EML5: variants seen among roughly 807,000 people sequenced by gnomAD.
EML5 encodes echinoderm microtubule-associated protein-like 5.
A neutral mutation model predicts 250.0 loss-of-function variants in EML5; 120 were observed. The observed-to-expected ratio is 0.48, with a 90% CI of 0.41 to 0.56. EML5 has a LOEUF of 0.56. Ranked by LOEUF, EML5 falls within the 20% of genes least tolerant of loss-of-function variation. EML5 has a pLI of 0.00. For missense variants in EML5, 2,006 were observed against 2,437.6 expected (o/e 0.82, Z 3.73); for synonymous variants, 771 against 806.5 (o/e 0.96, Z 0.75).
intron 34 of EML5, 113 bp from the exon 35 acceptor site, chr14:88,627,159 C>A: frequency 2.0e-6 from 2 of 998,556 alleles, no homozygotes; most frequent in Non-Finnish European, 3.0e-6. Context: ...GAAGAGAGGC[C>A]AATGGCCCCT....
In EML5 at chr14:88,679,256, C is replaced by T. The variant is rs1421857152; in HGVS notation, c.3124+2634G>A. Among the ~76,000 whole-genome samples the T allele has an allele frequency of 2.6e-5, 4 of 151,248 alleles. No individual in the cohort carries two copies. In the South Asian group the frequency reaches 8.4e-4, roughly 32 times the overall value. On this transcript the variant is annotated intron_variant, in intron 21 of 43. Transcript: ENST00000554922. ...AAGTACTGGGGGGTTAGAACTTCAACATATCTTTTCAGGGGGACACAACTC... is the reference window on the plus strand; with the variant it reads ...AAGTACTGGGGGGTTAGAACTTCAATATATCTTTTCAGGGGGACACAACTC...
intron 17 of EML5, among the ~76,000 whole-genome samples, chr14:88,691,155 T>C (rs897000788): frequency 6.6e-6 from 1 of 152,076 alleles, no homozygotes; most frequent in Non-Finnish European, 1.5e-5. Context: ...GCTGCCCAAA[T>C]TCAGAAGGTT....
chr14:88,627,372 T>C lies in EML5; in HGVS notation c.4531+274A>G, dbSNP rs114210828. ...TCTCCAAAACCAATCAAATCATTAATAATAAATACATAGTTTCTTGCTGGA... is the reference window on the plus strand; with the variant it reads ...TCTCCAAAACCAATCAAATCATTAACAATAAATACATAGTTTCTTGCTGGA... On this transcript the variant is annotated intron_variant, in intron 34 of 43. Transcript: ENST00000554922. 3.1e-3 allele frequency: 1,482 copies of C among 471,588 alleles called. 18 individuals carry two copies. The highest frequency in any genetic ancestry group is 0.026 in the African/African-American group (1,345 of 51,414). 29.2% of individuals were successfully genotyped at this position (471,588 alleles called of 1,614,324 possible). A position where few individuals can be genotyped will look rare whatever the true frequency, so the allele number is the denominator to read the frequency against.
rs373512419 is a variant in EML5, at chr14:88,704,944, T to C, written c.1967A>G (p.Gln656Arg). The C allele has an allele frequency of 1.3e-4, 210 of 1,612,882 alleles. No homozygotes were observed. Among genetic ancestry groups the C allele is most frequent in the South Asian group, 2.0e-4 (18 of 90,980 alleles). ...AGCACTTTTTTGTTTCTCTTTGCAC[T>C]GTTCTTTAAGCTGAGGTAGATCTTC... is the stretch of plus-strand genomic sequence containing the variant. ...YKEDLPQLKEQCKEKQKSATS... is the reference protein window; with the variant it reads ...YKEDLPQLKERCKEKQKSATS... The change falls in exon 13 of 44, where the codon CAG (glutamine) becomes CGG (arginine). Residue 656 changes from glutamine to arginine, a missense_variant. Around this residue, in one of 7 missense-constraint regions of EML5, gnomAD observed 1,375 missense variants for 1,590.3 expected, o/e 0.86. Transcript: ENST00000554922.
chr14:88,658,505 T>TA (rs570889876), intron 25 of EML5, 117 bp from the exon 26 acceptor site: 303 of 789,444 alleles, frequency 3.8e-4, no homozygotes, highest in African/African-American at 2.1e-3. Flanking sequence ...TGCAATGTGT[T>TA]AAAAAAAATG....
rs58676323 is a variant in EML5 at position 88,759,685 on chromosome 14, T to TAA, written c.198-5016_198-5015dup. Reference sequence around the variant, plus strand: ...AGTGACAGGGCAAGTCACCATCTCTTAAAAAAAAAAAAAAAAAAACTGGGG... The same window carrying TAA: ...AGTGACAGGGCAAGTCACCATCTCTTAAAAAAAAAAAAAAAAAAAAACTGGGG... On this transcript the variant is annotated intron_variant, in intron 1 of 43. Transcript: ENST00000554922. Among the ~76,000 whole-genome samples the TAA allele has an allele frequency of 4.7e-4, 44 of 92,894 alleles. 1 individual carries two copies. The highest frequency in any genetic ancestry group is 1.0e-3 in the African/African-American group (18 of 18,076). The allele number at this position is 92,894 out of a possible 152,430, so 60.9% of individuals were successfully genotyped here.
At chr14:88,625,280 A>G in intron 35 of EML5, 153 bp from the exon 36 acceptor site, 6 of 827,046 alleles carry the variant, frequency 7.3e-6, no homozygotes, top group Non-Finnish European at 1.1e-5. Context: ...ACGAGTCAGG[A>G]AACCTGAACG....
chr14:88,763,619 C>T (rs543694114), intron 1 of EML5, among the ~76,000 whole-genome samples: 109 of 152,186 alleles, frequency 7.2e-4, no homozygotes, highest in African/African-American at 2.5e-3. Flanking sequence ...CACTTCCAAA[C>T]AATAGAAAAA....
intron 10 of EML5, among the ~76,000 whole-genome samples, chr14:88,708,039 G>C (rs2093347349): frequency 2.0e-5 from 3 of 152,184 alleles, no homozygotes; most frequent in African/African-American, 7.2e-5. Flanking sequence ...GAGTGATAGA[G>C]AGAGGTACAA....
intron 10 of EML5, among the ~76,000 whole-genome samples, chr14:88,710,507 T>C (rs2093387397): frequency 6.6e-6 from 1 of 152,186 alleles, no homozygotes. Flanking sequence ...AGAAAGAGTA[T>C]ATTTCTAGTA....
In EML5 at chr14:88,653,472, C is replaced by T. The variant is rs188874520; in HGVS notation, c.4005-3546G>A. ...CTTATTACTTTGAGATATGTTCCAT[C>T]AAAACCTAGTTTATTGAGAGTTTTT... On this transcript the variant is annotated intron_variant, in intron 27 of 43. Coordinates refer to ENST00000554922, the MANE Select transcript of EML5 (RefSeq NM_183387.3). 1.6e-3 allele frequency among the ~76,000 whole-genome samples: 248 copies of T among 152,232 alleles called. 2 individuals are homozygous for T. Among genetic ancestry groups the T allele is most frequent in the African/African-American group, 4.9e-3 (202 of 41,548 alleles).
At chr14:88,671,601 G>A in intron 21 of EML5, among the ~76,000 whole-genome samples, 1 of 152,058 alleles carries the variant, frequency 6.6e-6, no homozygotes, top group South Asian at 2.1e-4. Flanking sequence ...AAAAGACAGA[G>A]AATGGCATGC....
At chr14:88,789,307 C>T (rs1325817677) in intron 1 of EML5, among the ~76,000 whole-genome samples, 2 of 151,754 alleles carry the variant, frequency 1.3e-5, no homozygotes, top group African/African-American at 4.8e-5. Context: ...AAAAAGTGAC[C>T]CCAAAAGCCC....
intron 10 of EML5, 134 bp downstream of exon 10, chr14:88,712,137 G>A: frequency 1.6e-6 from 1 of 641,636 alleles, no homozygotes; most frequent in Non-Finnish European, 2.7e-6. Flanking sequence ...TTTTGAATTA[G>A]AAAAATGAAA....
At chr14:88,748,442 A>C (rs1440718576) in intron 2 of EML5, among the ~76,000 whole-genome samples, 1 of 152,168 alleles carries the variant, frequency 6.6e-6, no homozygotes, top group Admixed American at 6.5e-5. Flanking sequence ...TATACCAGTA[A>C]TTCTAGAGCA....
chr14:88,737,397 G>A (rs1366343747), intron 6 of EML5, among the ~76,000 whole-genome samples: 1 of 152,216 alleles, frequency 6.6e-6, no homozygotes, highest in African/African-American at 2.4e-5. Context: ...GCCACAGGCT[G>A]AGCATGGATC....
At chr14:88,732,097 T>C (rs1169212954) in intron 7 of EML5, among the ~76,000 whole-genome samples, 1 of 152,226 alleles carries the variant, frequency 6.6e-6, no homozygotes, top group African/African-American at 2.4e-5. Flanking sequence ...ATTTTGGCTT[T>C]TGTTGCCATT....
At chr14:88,672,709 A>G (rs1000358583) in intron 21 of EML5, among the ~76,000 whole-genome samples, 6 of 152,326 alleles carry the variant, frequency 3.9e-5, no homozygotes, top group African/African-American at 1.2e-4. Flanking sequence ...AGGGGACATC[A>G]CCACTGATCC....
intron 5 of EML5, among the ~76,000 whole-genome samples, chr14:88,740,102 T>C (rs921818364): frequency 2.0e-5 from 3 of 152,166 alleles, no homozygotes; most frequent in African/African-American, 7.2e-5. Flanking sequence ...CTAGAATACT[T>C]TTAGATTGAA....
Sources: allele counts gnomAD v4.1 joint callset (sites outside exome capture counted in the v4.1 genomes callset), GRCh38; gene constraint gnomAD v4.1.1; regional missense constraint gnomAD v4.1.1; transcripts MANE v1.5; gene names NCBI Gene and HGNC (gene_info 2026-07-23, HGNC 2026-07-21).